The following ADCK1 variants were observed in gnomAD, a reference collection of about 807,000 sequenced individuals.
The protein encoded by ADCK1 is aarF domain containing kinase 1.
In ADCK1, 41 loss-of-function variants were observed where a neutral mutation model predicts 52.3. The ratio of observed to expected loss-of-function variants is 0.78; its 90% CI spans 0.61 to 1.02. The LOEUF is 1.02. ADCK1 is among the 50% of genes least tolerant of loss of function. The pLI is 0.00. For missense variants in ADCK1, 658 were observed against 679.5 expected (o/e 0.97, Z 0.35); for synonymous variants, 250 against 274.6 (o/e 0.91, Z 0.89).
intron 3 of ADCK1, among the ~76,000 whole-genome samples, chr14:77,857,551 T>C (rs962877709): frequency 2.0e-5 from 3 of 152,200 alleles, no homozygotes; most frequent in African/African-American, 7.2e-5. Context: ...CTGGCTGGTT[T>C]GTTATCTGTT....
chr14:77,833,988 C>A (rs570775534), intron 3 of ADCK1, among the ~76,000 whole-genome samples: 1 of 152,300 alleles, frequency 6.6e-6, no homozygotes, highest in African/African-American at 2.4e-5. Flanking sequence ...AGTGATCACC[C>A]TCATGCTTAT....
chr14:77,899,212 A>C lies in ADCK1; in HGVS notation c.695A>C (p.Asn232Thr). 6.2e-7 allele frequency: 1 copy of C among 1,614,166 alleles called. No individual in the cohort carries two copies. Among genetic ancestry groups the C allele is most frequent in the South Asian group, 1.1e-5 (1 of 91,076 alleles). The change falls in exon 6 of 11, where the codon AAT (asparagine) becomes ACT (threonine). Residue 232 changes from asparagine (N) to threonine (T), a missense_variant. Asn to Thr is a moderately conservative substitution (Grantham distance 65). Transcript: ENST00000238561. ...LELDFLNEGR[N>T]AEKVSQMLRH... ...CTGGATTTCCTCAATGAAGGGAGGA[A>C]TGCTGAGAAGGTGTCCCAGATGCTC...
intron 9 of ADCK1, among the ~76,000 whole-genome samples, chr14:77,929,749 C>T (rs1038417452): frequency 2.0e-5 from 3 of 152,156 alleles, no homozygotes; most frequent in Non-Finnish European, 4.4e-5. Context: ...TCACCAAAAC[C>T]TCTGCCTCCT....
intron 7 of ADCK1, among the ~76,000 whole-genome samples, chr14:77,922,771 G>T (rs2140290303): frequency 6.6e-6 from 1 of 152,288 alleles, no homozygotes; most frequent in South Asian, 2.1e-4. Flanking sequence ...TGCAAATGAG[G>T]ATCATAATTG....
At chr14:77,851,467 G>T (rs2082284058) in intron 3 of ADCK1, among the ~76,000 whole-genome samples, 2 of 152,088 alleles carry the variant, frequency 1.3e-5, no homozygotes, top group African/African-American at 2.4e-5. Context: ...TTTACTTAGG[G>T]TGTTTAGGGA....
chr14:77,896,083 A>G (rs945806052), intron 5 of ADCK1, among the ~76,000 whole-genome samples: 2 of 152,252 alleles, frequency 1.3e-5, no homozygotes, highest in African/African-American at 4.8e-5. Flanking sequence ...ATTAGTTAAT[A>G]TAATAGACTG....
intron 4 of ADCK1, among the ~76,000 whole-genome samples, chr14:77,877,596 T>C (rs553033061): frequency 9.2e-5 from 14 of 152,318 alleles, no homozygotes; most frequent in Admixed American, 3.9e-4. Context: ...TGGGAGTTGC[T>C]GGCTTTTGTA....
intron 1 of ADCK1, among the ~76,000 whole-genome samples, chr14:77,813,767 G>GTTTT (rs539507254): frequency 2.7e-5 from 4 of 146,610 alleles, no homozygotes; most frequent in African/African-American, 1.0e-4. Flanking sequence ...TTGTTTTCCT[G>GTTTT]TTTTTTTTTT....
intron 3 of ADCK1, among the ~76,000 whole-genome samples, chr14:77,839,338 C>A (rs1405321096): frequency 7.9e-5 from 12 of 152,154 alleles, no homozygotes; most frequent in African/African-American, 2.9e-4. Flanking sequence ...GAAAGCCTCC[C>A]TTCCCATGGC....
At chr14:77,849,112 G>A (rs1444107038) in intron 3 of ADCK1, among the ~76,000 whole-genome samples, 1 of 152,170 alleles carries the variant, frequency 6.6e-6, no homozygotes, top group African/African-American at 2.4e-5. Context: ...ATAGGCGTGA[G>A]CCACCGCGCC....
At position 77,832,026 on chromosome 14, in the gene ADCK1, G is replaced by A. The variant is rs999268348; in HGVS notation, c.219+9508G>A. Among the ~76,000 whole-genome samples, 7 of 151,444 alleles carry A rather than the reference G, an allele frequency of 4.6e-5. No homozygotes were observed. The East Asian group carries it at 1.2e-3, about 25-fold the overall frequency. On this transcript the variant is annotated intron_variant, in intron 3 of 10. Coordinates refer to ENST00000238561, the MANE Select transcript of ADCK1 (RefSeq NM_020421.4). ...GGAGTCTCACTGTATCACCCAGGCT[G>A]GAGTGCAGTGGCATGATCTCGGCTT... is the stretch of plus-strand genomic sequence containing the variant.
intron 1 of ADCK1, among the ~76,000 whole-genome samples, chr14:77,807,808 A>G (rs1209585152): frequency 6.6e-6 from 1 of 151,364 alleles, no homozygotes; most frequent in Non-Finnish European, 1.5e-5. Context: ...CATGCCCGGC[A>G]ATTTTTGTAT....
In ADCK1 at chr14:77,911,498, A is replaced by T. The variant is rs74527034; in HGVS notation, c.858+3579A>T. 1.5e-3 allele frequency among the ~76,000 whole-genome samples: 228 copies of T among 152,312 alleles called. 2 individuals carry two copies. Among genetic ancestry groups the T allele is most frequent in the African/African-American group, 5.2e-3 (217 of 41,550 alleles). Reference sequence around the variant, plus strand: ...TGCTCTGCACCAAGGCAGTGTCTGAATGTAACACCTCTCTCTCTGGCTTAC... The same window carrying T: ...TGCTCTGCACCAAGGCAGTGTCTGATTGTAACACCTCTCTCTCTGGCTTAC... On this transcript the variant is annotated intron_variant, in intron 7 of 10. Coordinates refer to ENST00000238561, the MANE Select transcript of ADCK1 (RefSeq NM_020421.4).
At position 77,855,618 on chromosome 14, in the gene ADCK1, G is replaced by A. The variant is rs557646903; in HGVS notation, c.220-3458G>A. Among the ~76,000 whole-genome samples, 17 of 152,310 alleles carry A rather than the reference G, an allele frequency of 1.1e-4. No individual in the cohort carries two copies. In the East Asian group the frequency reaches 3.3e-3, roughly 29 times the overall value. On this transcript the variant is annotated intron_variant, in intron 3 of 10. Transcript: ENST00000238561. ...TGTCTAAATGACAACGTAAAGATTA[G>A]CATCTAGAAAAGAGACCTTGCGGAC... is the stretch of plus-strand genomic sequence containing the variant.
At chr14:77,862,572 T>G (rs2082574885) in intron 4 of ADCK1, among the ~76,000 whole-genome samples, 2 of 152,230 alleles carry the variant, frequency 1.3e-5, no homozygotes, top group South Asian at 4.1e-4. Flanking sequence ...GCCACGAGGC[T>G]GTTGACCACC....
chr14:77,870,915 G>A (rs965848080), intron 4 of ADCK1, among the ~76,000 whole-genome samples: 2 of 152,336 alleles, frequency 1.3e-5, no homozygotes, highest in Middle Eastern at 3.4e-3. Flanking sequence ...TATGGGCAGG[G>A]TGGATGTGAT....
chr14:77,812,375 C>A (rs933846512), intron 1 of ADCK1, among the ~76,000 whole-genome samples: 1 of 151,596 alleles, frequency 6.6e-6, no homozygotes, highest in Non-Finnish European at 1.5e-5. Flanking sequence ...AGAGTGAGAT[C>A]ATGCAGTATT....
chr14:77,866,451 T>C (rs553772361), intron 4 of ADCK1, among the ~76,000 whole-genome samples: 60 of 152,276 alleles, frequency 3.9e-4, no homozygotes, highest in African/African-American at 1.4e-3. Flanking sequence ...CCCCACAGGC[T>C]CCCAGGCAGC....
At chr14:77,829,013 C>A (rs1260270499) in intron 3 of ADCK1, among the ~76,000 whole-genome samples, 1 of 151,276 alleles carries the variant, frequency 6.6e-6, no homozygotes, top group Admixed American at 6.6e-5. Flanking sequence ...TTTTGATATA[C>A]CCCCAACCTA....
Sources: gnomAD v4.1 joint callset for allele counts (sites outside exome capture counted in the v4.1 genomes callset) on GRCh38, gnomAD v4.1.1 for gene constraint, MANE v1.5 for transcripts, NCBI Gene and HGNC (gene_info 2026-07-23, HGNC 2026-07-21) for gene names.